Variants in FUT8 observed in about 807,000 individuals in gnomAD.
FUT8 encodes the protein fucosyltransferase 8.
In FUT8, 29 loss-of-function variants were observed where a neutral mutation model predicts 71.3. That is an observed-to-expected ratio of 0.41 (90% CI 0.30 to 0.55). The LOEUF is 0.55. Ranked by LOEUF, FUT8 falls within the 20% of genes least tolerant of loss-of-function variation. The probability of loss-of-function intolerance (pLI) is 0.34; values close to 1 mark genes in which losing one functional copy is unlikely to be tolerated. For synonymous variants in FUT8, 254 were observed against 239.3 expected, an observed-to-expected ratio of 1.06 and a Z score of -0.57; for missense variants, 544 against 702.1, an observed-to-expected ratio of 0.77 and a Z score of 2.55.
intron 7 of FUT8, among the ~76,000 whole-genome samples, chr14:65,710,700 G>C (rs779591181): frequency 4.6e-5 from 7 of 152,098 alleles, no homozygotes; most frequent in Non-Finnish European, 5.9e-5. Context: ...TGTCATCACT[G>C]TATACCCTTT....
intron 2 of FUT8, among the ~76,000 whole-genome samples, chr14:65,461,812 A>G (rs1415615033): frequency 4.6e-5 from 7 of 152,172 alleles, no homozygotes; most frequent in Non-Finnish European, 1.0e-4. Flanking sequence ...CTTGGTCTCA[A>G]TTCCATCTCC....
intron 6 of FUT8, among the ~76,000 whole-genome samples, chr14:65,666,426 A>G (rs970646512): frequency 5.3e-5 from 8 of 152,156 alleles, no homozygotes; most frequent in African/African-American, 1.9e-4. Context: ...AAATTAGAAA[A>G]CCTACAAGAA....
intron 1 of FUT8, among the ~76,000 whole-genome samples, chr14:65,448,327 G>A (rs1415077787): frequency 6.6e-6 from 1 of 152,146 alleles, no homozygotes; most frequent in African/African-American, 2.4e-5. Flanking sequence ...GCGGAATAAA[G>A]GAGGCAATGG....
Position 65,544,107 on chromosome 14 carries a change from T to C in FUT8, c.-227-17230T>C, listed in dbSNP as rs532437093. On this transcript the variant is annotated intron_variant, in intron 2 of 10. Transcript: ENST00000673929. ...TGTTTTTTGGAAAAGAAGTATAATATAAGTAGAGATCTGAATTATAAGAAT... is the reference window on the plus strand; with the variant it reads ...TGTTTTTTGGAAAAGAAGTATAATACAAGTAGAGATCTGAATTATAAGAAT... Among the ~76,000 whole-genome samples the C allele has an allele frequency of 1.1e-4, 16 of 152,172 alleles. No homozygotes were observed. In the South Asian group the frequency reaches 3.1e-3, roughly 30 times the overall value.
At chr14:65,411,962 G>A (rs1443174221), upstream of FUT8, 9 of 453,128 alleles carry the variant, frequency 2.0e-5, no homozygotes, top group South Asian at 1.4e-4. Context: ...GCTCTGCATC[G>A]CGGGCGCCGG....
At chr14:65,464,136 C>A (rs541110475) in intron 2 of FUT8, among the ~76,000 whole-genome samples, 46 of 152,100 alleles carry the variant, frequency 3.0e-4, no homozygotes, top group African/African-American at 8.4e-4. Context: ...TTTCTTAGGG[C>A]AGTTTTAGGT....
chr14:65,627,059 A>G lies in FUT8; in HGVS notation c.483-2433A>G, dbSNP rs1056789995. Among the ~76,000 whole-genome samples, 9 of 152,206 alleles carry G rather than the reference A, an allele frequency of 5.9e-5. No homozygotes were observed. Among genetic ancestry groups the G allele is most frequent in the Non-Finnish European group, 1.0e-4 (7 of 68,044 alleles). On this transcript the variant is annotated intron_variant, in intron 5 of 10. Coordinates refer to ENST00000673929, the MANE Select transcript of FUT8 (RefSeq NM_001371533.1). The surrounding 1 kb of genome is among the most constrained non-coding windows in gnomAD (Gnocchi z 4.0). Reference sequence around the variant, plus strand: ...TTGCTACTTTTTCATTCATCTAAAGATATTTATCGAATATTTTGTCTGTGA... The same window carrying G: ...TTGCTACTTTTTCATTCATCTAAAGGTATTTATCGAATATTTTGTCTGTGA...
chr14:65,608,704 GAT>G (rs1888718604), intron 3 of FUT8, among the ~76,000 whole-genome samples: 1 of 151,826 alleles, frequency 6.6e-6, no homozygotes, highest in Admixed American at 6.6e-5. Flanking sequence ...TAGGAATGAG[GAT>G]CATCTACAGG....
chr14:65,525,017 A>G (rs1883349888), intron 2 of FUT8, among the ~76,000 whole-genome samples: 2 of 152,140 alleles, frequency 1.3e-5, no homozygotes, highest in East Asian at 1.9e-4. Flanking sequence ...TTCATCAGGG[A>G]TATTCTCTTT....
chr14:65,610,632 G>A lies in FUT8; in HGVS notation c.204-5346G>A, dbSNP rs1470133036. On this transcript the variant is annotated intron_variant, in intron 3 of 10. Transcript: ENST00000673929. ...TCGAACTCCCAACCTCAGGTGATCC[G>A]CCTGCCTCGGCCTCCCAAAGTGCTG... Among the ~76,000 whole-genome samples the A allele has an allele frequency of 4.0e-5, 6 of 151,698 alleles. No individual in the cohort carries two copies. The East Asian group carries it at 9.6e-4, about 24-fold the overall frequency.
At chr14:65,535,209 C>T (rs541579253) in intron 2 of FUT8, among the ~76,000 whole-genome samples, 2 of 152,104 alleles carry the variant, frequency 1.3e-5, no homozygotes, top group South Asian at 2.1e-4. Flanking sequence ...AAGCGATTCT[C>T]ATGCCTCAGC....
intron 7 of FUT8, among the ~76,000 whole-genome samples, chr14:65,712,899 T>G (rs1054523760): frequency 6.6e-6 from 1 of 152,226 alleles, no homozygotes; most frequent in Non-Finnish European, 1.5e-5. Flanking sequence ...ATTTATCCTT[T>G]ATGTTACAAA....
In FUT8 at chr14:65,740,814, T is replaced by C. The variant is rs544358163; in HGVS notation, c.1411-1279T>C. Among the ~76,000 whole-genome samples the C allele has an allele frequency of 5.9e-5, 9 of 152,066 alleles. No individual in the cohort carries two copies. The East Asian group carries it at 7.8e-4, about 13-fold the overall frequency. On this transcript the variant is annotated intron_variant, in intron 10 of 10. Coordinates refer to ENST00000673929, the MANE Select transcript of FUT8 (RefSeq NM_001371533.1). ...CTCCCACCAGGCCCCATCTCCAACA[T>C]TGGGGATTACAGTTCACCATGAGAT...
the FUT8 span, among the ~76,000 whole-genome samples, chr14:65,399,826 T>G: frequency 4.6e-5 from 7 of 152,222 alleles, no homozygotes; most frequent in Non-Finnish European, 8.8e-5. Context: ...TAAAAGCTAT[T>G]AAAACTTCAT....
At chr14:65,405,033 C>A in the FUT8 span, among the ~76,000 whole-genome samples, 1 of 152,156 alleles carries the variant, frequency 6.6e-6, no homozygotes, top group Non-Finnish European at 1.5e-5. Flanking sequence ...TGTCAAGGAG[C>A]CAGCTCCCTC....
At chr14:65,586,730 C>G (rs1221595160) in intron 3 of FUT8, among the ~76,000 whole-genome samples, 1 of 152,148 alleles carries the variant, frequency 6.6e-6, no homozygotes, top group Non-Finnish European at 1.5e-5. Context: ...TTGAGGAACT[C>G]ATGCATTTTC....
intron 7 of FUT8, among the ~76,000 whole-genome samples, chr14:65,717,353 G>T (rs1217505874): frequency 7.0e-6 from 1 of 142,138 alleles, no homozygotes; most frequent in Non-Finnish European, 1.5e-5. Context: ...GGGCAGAGAC[G>T]CTCCTCACTT....
At position 65,564,977 on chromosome 14, in the gene FUT8, T is replaced by C. The variant is rs1239777654; in HGVS notation, c.203+3211T>C. On this transcript the variant is annotated intron_variant, in intron 3 of 10. Coordinates refer to ENST00000673929, the MANE Select transcript of FUT8 (RefSeq NM_001371533.1). ...CACAGAATACCTGACACTGGATAGT[T>C]TATAGAGAAAGAAGTTATTTGGCTC... 2.6e-5 allele frequency among the ~76,000 whole-genome samples: 4 copies of C among 151,994 alleles called. No individual in the cohort carries two copies. The Admixed American group carries it at 2.6e-4, about 10-fold the overall frequency.
the FUT8 span, among the ~76,000 whole-genome samples, chr14:65,389,549 C>T: frequency 6.6e-6 from 1 of 151,942 alleles, no homozygotes; most frequent in Non-Finnish European, 1.5e-5. Context: ...CTGACCTCAA[C>T]TGATCCACCT....
Sources: allele counts gnomAD v4.1 joint callset (sites outside exome capture counted in the v4.1 genomes callset), GRCh38; gene constraint gnomAD v4.1.1; non-coding constraint Gnocchi (gnomAD v3.1); transcripts MANE v1.5; gene names NCBI Gene and HGNC (gene_info 2026-07-23, HGNC 2026-07-21).